Variants in PCDH9 observed in about 807,000 individuals in gnomAD.
PCDH9 encodes protocadherin 9.
PCDH9 carries 24 observed loss-of-function variants against 70.6 expected under a neutral mutation model. The ratio of observed to expected loss-of-function variants is 0.34; its 90% CI spans 0.25 to 0.48. The LOEUF (loss-of-function observed/expected upper bound fraction) is 0.48, where lower values mean the gene tolerates loss of function less well. PCDH9 is among the 20% of genes least tolerant of loss of function. PCDH9 has a pLI of 0.99. For missense variants in PCDH9, 1,281 were observed against 1,503.6 expected, an observed-to-expected ratio of 0.85 and a Z score of 2.45; for synonymous variants, 562 against 558.5, an observed-to-expected ratio of 1.01 and a Z score of -0.09.
At chr13:67,070,537 T>A (rs909722907) in intron 2 of PCDH9, among the ~76,000 whole-genome samples, 7 of 152,182 alleles carry the variant, frequency 4.6e-5, no homozygotes, top group African/African-American at 1.7e-4. Context: ...GTAATCTACC[T>A]GCTGTGTTTG....
chr13:67,104,785 G>A (rs1215823945), intron 2 of PCDH9, among the ~76,000 whole-genome samples: 1 of 152,108 alleles, frequency 6.6e-6, no homozygotes, highest in African/African-American at 2.4e-5. Context: ...TCCTGACCTT[G>A]TGATCCACCC....
chr13:66,521,628 T>C (rs1240700709), intron 4 of PCDH9, among the ~76,000 whole-genome samples: 1 of 152,048 alleles, frequency 6.6e-6, no homozygotes, highest in Non-Finnish European at 1.5e-5. Context: ...CCGTGGTACG[T>C]GTTATGGTGA....
chr13:66,949,084 T>C (rs947238770), intron 2 of PCDH9, among the ~76,000 whole-genome samples: 2 of 152,132 alleles, frequency 1.3e-5, no homozygotes, highest in Non-Finnish European at 2.9e-5. Context: ...TGGCTAAATA[T>C]GCTTTAAAGA....
chr13:66,979,335 TA>T (rs2083689897), intron 2 of PCDH9, among the ~76,000 whole-genome samples: 1 of 152,148 alleles, frequency 6.6e-6, no homozygotes, highest in African/African-American at 2.4e-5. Flanking sequence ...ATTGAGAAAA[TA>T]AAAGACATTT....
chr13:67,015,822 T>C (rs1321234474), intron 2 of PCDH9, among the ~76,000 whole-genome samples: 1 of 152,164 alleles, frequency 6.6e-6, no homozygotes, highest in East Asian at 1.9e-4. Context: ...TATGTTCCTA[T>C]GGCTCATTGT....
chr13:66,434,586 T>C (rs1327948564), intron 4 of PCDH9, among the ~76,000 whole-genome samples: 1 of 152,032 alleles, frequency 6.6e-6, no homozygotes, highest in East Asian at 1.9e-4. Flanking sequence ...GATACAAGTA[T>C]GAGTAAAGCT....
chr13:66,452,422 A>G (rs976746005), intron 4 of PCDH9, among the ~76,000 whole-genome samples: 1 of 152,134 alleles, frequency 6.6e-6, no homozygotes, highest in African/African-American at 2.4e-5. Flanking sequence ...GCCCAAACTC[A>G]AAATTTTGGA....
intron 3 of PCDH9, among the ~76,000 whole-genome samples, chr13:66,647,354 C>G (rs980507673): frequency 1.3e-5 from 2 of 152,114 alleles, no homozygotes; most frequent in African/African-American, 2.4e-5. Context: ...TGCTTACAAG[C>G]TCAACCATAG....
chr13:67,130,193 C>G (rs575769009), intron 2 of PCDH9, among the ~76,000 whole-genome samples: 1 of 152,170 alleles, frequency 6.6e-6, no homozygotes, highest in East Asian at 1.9e-4. Context: ...CACAAAGAAA[C>G]AGGAGATAGA....
chr13:67,034,499 T>C (rs1203778157), intron 2 of PCDH9, among the ~76,000 whole-genome samples: 2 of 152,142 alleles, frequency 1.3e-5, no homozygotes, highest in Non-Finnish European at 2.9e-5. Flanking sequence ...ATGCAGCTAA[T>C]GATGAATAAA....
chr13:67,013,252 G>GT (rs2084488051), intron 2 of PCDH9, among the ~76,000 whole-genome samples: 1 of 117,148 alleles, frequency 8.5e-6, no homozygotes, highest in Non-Finnish European at 1.8e-5. Context: ...ACATATACTT[G>GT]TTTTTTAATG....
chr13:66,627,888 G>A (rs956164345), intron 4 of PCDH9, among the ~76,000 whole-genome samples: 30 of 152,256 alleles, frequency 2.0e-4, no homozygotes, highest in African/African-American at 7.2e-4. Flanking sequence ...TTTCCATTTG[G>A]CACCTGGCCC....
intron 4 of PCDH9, among the ~76,000 whole-genome samples, chr13:66,375,456 T>C (rs1956731441): frequency 1.3e-5 from 2 of 152,158 alleles, no homozygotes; most frequent in South Asian, 4.1e-4. Flanking sequence ...ATATTTGCTC[T>C]TCCATTCTCA....
intron 4 of PCDH9, among the ~76,000 whole-genome samples, chr13:66,554,393 A>C (rs968780719): frequency 2.6e-5 from 4 of 152,162 alleles, no homozygotes; most frequent in African/African-American, 9.6e-5. Context: ...AGTTTTAAAA[A>C]TAATAAGTTT....
At chr13:66,653,143 G>T (rs1225949324) in intron 3 of PCDH9, among the ~76,000 whole-genome samples, 1 of 152,050 alleles carries the variant, frequency 6.6e-6, no homozygotes, top group Non-Finnish European at 1.5e-5. Context: ...ATAGACAAAT[G>T]AGATCACATC....
intron 2 of PCDH9, among the ~76,000 whole-genome samples, chr13:66,904,240 G>A (rs542653922): frequency 6.6e-6 from 1 of 152,058 alleles, no homozygotes; most frequent in South Asian, 2.1e-4. Flanking sequence ...TAATTTACCT[G>A]GAAATTGACA....
At chr13:66,981,102 A>G (rs1315240331) in intron 2 of PCDH9, among the ~76,000 whole-genome samples, 1 of 152,182 alleles carries the variant, frequency 6.6e-6, no homozygotes, top group Non-Finnish European at 1.5e-5. Flanking sequence ...TACTGTCCAT[A>G]AAGACATTTA....
chr13:66,507,126 T>C (rs949476017), intron 4 of PCDH9, among the ~76,000 whole-genome samples: 2 of 149,738 alleles, frequency 1.3e-5, no homozygotes, highest in Non-Finnish European at 3.0e-5. Context: ...CACCAACTTT[T>C]CCCCCTGCTG....
At chr13:66,506,462 T>A (rs989153001) in intron 4 of PCDH9, among the ~76,000 whole-genome samples, 1 of 152,112 alleles carries the variant, frequency 6.6e-6, no homozygotes, top group African/African-American at 2.4e-5. Context: ...ATGTCAGAAA[T>A]GAGAAAATGC....
Sources: gnomAD v4.1 joint callset for allele counts (sites outside exome capture counted in the v4.1 genomes callset) on GRCh38, gnomAD v4.1.1 for gene constraint, MANE v1.5 for transcripts, NCBI Gene and HGNC (gene_info 2026-07-23, HGNC 2026-07-21) for gene names.